The following MYO1E variants were observed in gnomAD, a reference collection of about 807,000 sequenced individuals.
MYO1E encodes myosin IE, also known as unconventional myosin-Ie.
MYO1E carries 68 observed loss-of-function variants against 151.1 expected under a neutral mutation model. The ratio of observed to expected loss-of-function variants is 0.45; its 90% CI spans 0.37 to 0.55. The LOEUF is 0.55. Among genes scored for constraint, MYO1E ranks in the 20% least tolerant of loss-of-function variants. MYO1E has a pLI of 0.00. For synonymous variants in MYO1E, 601 were observed against 501.7 expected (o/e 1.20, Z -2.64); for missense variants, 1,363 against 1,389.3 (o/e 0.98, Z 0.30).
chr15:59,146,517 G>T (rs113069224), intron 26 of MYO1E, among the ~76,000 whole-genome samples: 1 of 151,958 alleles, frequency 6.6e-6, no homozygotes, highest in Non-Finnish European at 1.5e-5. Flanking sequence ...GGTTTCACAT[G>T]TTGGTCAGCC....
chr15:59,289,704 T>TA lies in MYO1E; in HGVS notation c.4-17256dup, dbSNP rs150865523. Among the ~76,000 whole-genome samples the TA allele has an allele frequency of 7.4e-3, 1,121 of 152,340 alleles. 7 individuals carry two copies. The highest frequency in any genetic ancestry group is 0.011 in the Non-Finnish European group (775 of 68,024). On this transcript the variant is annotated intron_variant, in intron 1 of 27. Coordinates refer to ENST00000288235, the MANE Select transcript of MYO1E (RefSeq NM_004998.4). ...AGAAATTAGAAAGCTGTCATCTAGT[T>TA]AGAGATCTCTGGCTGTAGCATTTCA...
intron 26 of MYO1E, among the ~76,000 whole-genome samples, chr15:59,141,680 C>A (rs1177093876): frequency 6.6e-6 from 1 of 151,920 alleles, no homozygotes; most frequent in Non-Finnish European, 1.5e-5. Flanking sequence ...TGCCTATAGT[C>A]CCAGCTACTT....
chr15:59,244,850 T>G (rs1002780986), intron 4 of MYO1E, among the ~76,000 whole-genome samples: 10 of 152,168 alleles, frequency 6.6e-5, no homozygotes, highest in African/African-American at 2.2e-4. Context: ...GAAAAAGAGT[T>G]GCTGTTATGT....
At chr15:59,268,097 A>G (rs2080267227) in intron 2 of MYO1E, among the ~76,000 whole-genome samples, 1 of 152,254 alleles carries the variant, frequency 6.6e-6, no homozygotes, top group Admixed American at 6.5e-5. Flanking sequence ...TCGTCTTAAC[A>G]ATTAAACATA....
intron 4 of MYO1E, among the ~76,000 whole-genome samples, chr15:59,245,009 C>G (rs17190833): frequency 0.45 from 68,657 of 151,982 alleles, 18,846 homozygotes; most frequent in Non-Finnish European, 0.63. Context: ...AGATTTACAG[C>G]CAGCGGCAGC....
intron 1 of MYO1E, among the ~76,000 whole-genome samples, chr15:59,340,492 T>C (rs1184962238): frequency 6.6e-6 from 1 of 152,126 alleles, no homozygotes; most frequent in Non-Finnish European, 1.5e-5. Flanking sequence ...CAGGAAAAAG[T>C]AATACTTGAG....
chr15:59,197,999 C>A (rs1014109103), intron 16 of MYO1E, among the ~76,000 whole-genome samples: 3 of 152,108 alleles, frequency 2.0e-5, no homozygotes, highest in Admixed American at 6.6e-5. Flanking sequence ...GTAGCTGGGA[C>A]TGGAAGCACA....
At chr15:59,339,666 T>A (rs1237082056) in intron 1 of MYO1E, among the ~76,000 whole-genome samples, 3 of 152,098 alleles carry the variant, frequency 2.0e-5, no homozygotes, top group Non-Finnish European at 4.4e-5. Flanking sequence ...ATAGTCAACT[T>A]CCAATTAAAA....
intron 26 of MYO1E, among the ~76,000 whole-genome samples, chr15:59,149,124 T>C (rs1449692570): frequency 2.1e-5 from 3 of 143,894 alleles, no homozygotes; most frequent in African/African-American, 7.8e-5. Flanking sequence ...TGGCCCAATC[T>C]CAGCTCACTG....
rs765235727 is a variant in MYO1E, at chr15:59,207,554, A to G, written c.1530+1127T>C. 11 of 1,613,846 alleles carry G rather than the reference A, an allele frequency of 6.8e-6. No individual in the cohort carries two copies. The highest frequency in any genetic ancestry group is 5.3e-5 in the African/African-American group (4 of 74,858). ...TGGAAGTTGAGTGCATTTCCCAAAA[A>G]CCGTATTATTGGAAGCGGCTGTAAT... On this transcript the variant is annotated intron_variant, in intron 14 of 27. Coordinates refer to ENST00000288235, the MANE Select transcript of MYO1E (RefSeq NM_004998.4).
chr15:59,189,908 T>C (rs2079722862), intron 17 of MYO1E, among the ~76,000 whole-genome samples: 1 of 152,226 alleles, frequency 6.6e-6, no homozygotes, highest in African/African-American at 2.4e-5. Flanking sequence ...TAGGTTAATA[T>C]TCTCACACAT....
intron 1 of MYO1E, among the ~76,000 whole-genome samples, chr15:59,351,741 G>A (rs542414455): frequency 3.3e-5 from 5 of 152,074 alleles, no homozygotes; most frequent in African/African-American, 1.2e-4. Context: ...CTCACAGGAC[G>A]TTGGAAATGG....
chr15:59,307,495 C>T (rs1463590385), intron 1 of MYO1E, among the ~76,000 whole-genome samples: 7 of 152,228 alleles, frequency 4.6e-5, no homozygotes, highest in Non-Finnish European at 1.0e-4. Flanking sequence ...ATAATTCTGA[C>T]ATTTCCTTCC....
chr15:59,199,497 G>A (rs1046659467), intron 16 of MYO1E, among the ~76,000 whole-genome samples: 2 of 152,234 alleles, frequency 1.3e-5, no homozygotes, highest in East Asian at 3.9e-4. Context: ...GCTCATTGGA[G>A]CATTTCAGGA....
At chr15:59,307,901 C>T (rs1022607775) in intron 1 of MYO1E, among the ~76,000 whole-genome samples, 1 of 150,838 alleles carries the variant, frequency 6.6e-6, no homozygotes, top group South Asian at 2.1e-4. Context: ...TGAGCCACCA[C>T]GCCTGGCTCC....
Position 59,149,065 on chromosome 15 carries a change from T to TG in MYO1E, c.3080+4524_3080+4525insC, listed in dbSNP as rs1566964408. Among the ~76,000 whole-genome samples the TG allele has an allele frequency of 2.1e-5, 3 of 141,914 alleles. No individual in the cohort carries two copies. The East Asian group carries it at 6.2e-4, about 29-fold the overall frequency. 93.1% of individuals were successfully genotyped at this position (141,914 alleles called of 152,430 possible). A position where few individuals can be genotyped will look rare whatever the true frequency, so the allele number is the denominator to read the frequency against. ...TTTTTTTTTTTTGTTTTTTTTTTTT[T>TG]TTTTTTTTTGAGACAGAGTCTTGCT... is the stretch of plus-strand genomic sequence containing the variant. On this transcript the variant is annotated intron_variant, in intron 26 of 27. Coordinates refer to ENST00000288235, the MANE Select transcript of MYO1E (RefSeq NM_004998.4).
intron 1 of MYO1E, among the ~76,000 whole-genome samples, chr15:59,313,695 C>T (rs1456869022): frequency 6.6e-6 from 1 of 152,170 alleles, no homozygotes; most frequent in Non-Finnish European, 1.5e-5. Flanking sequence ...TTTGTGTTGG[C>T]TCTGTAGCCC....
In MYO1E at chr15:59,173,812, C is replaced by T; in HGVS notation, c.2268G>A (p.Gln756=). The change falls in exon 21 of 28, where the codon CAG becomes CAA. Residue 756 remains glutamine (Q), a synonymous_variant. Transcript: ENST00000288235. The part of the protein sequence containing the change: ...IGMEEHPELQ[Q]FVGKREKIDF... Reference sequence around the variant, plus strand: ...CAATCTTCTCCCTCTTGCCCACGAACTGCTGGAGTTCTGGGTGCTCTTCCA... The same window carrying T: ...CAATCTTCTCCCTCTTGCCCACGAATTGCTGGAGTTCTGGGTGCTCTTCCA... 1 of 1,614,096 alleles carries T rather than the reference C, an allele frequency of 6.2e-7. No homozygotes were observed. The highest frequency in any genetic ancestry group is 8.5e-7 in the Non-Finnish European group (1 of 1,179,964).
chr15:59,160,975 T>A (rs1031699519), intron 24 of MYO1E, 98 bp downstream of exon 24: 1 of 1,500,880 alleles, frequency 6.7e-7, no homozygotes, highest in African/African-American at 1.4e-5. Flanking sequence ...GGTGTACTGA[T>A]TCTCAGCCCC....
Sources: allele counts gnomAD v4.1 joint callset (sites outside exome capture counted in the v4.1 genomes callset), GRCh38; gene constraint gnomAD v4.1.1; transcripts MANE v1.5; gene names NCBI Gene and HGNC (gene_info 2026-07-23, HGNC 2026-07-21).